SCAMP1: variants seen among roughly 807,000 people sequenced by gnomAD.
The protein encoded by SCAMP1 is secretory carrier membrane protein 1.
A neutral mutation model predicts 41.8 loss-of-function variants in SCAMP1; 15 were observed. That is an observed-to-expected ratio of 0.36 (90% confidence interval 0.24 to 0.55). The LOEUF (loss-of-function observed/expected upper bound fraction) is 0.55. SCAMP1 is among the 20% of genes least tolerant of loss of function. The pLI is 0.86. For synonymous variants in SCAMP1, 135 were observed against 136.8 expected (o/e 0.99, Z 0.09); for missense variants, 341 against 412.6 (o/e 0.83, Z 1.50).
intron 1 of SCAMP1, among the ~76,000 whole-genome samples, chr5:78,364,684 T>C (rs940850945): frequency 7.2e-5 from 11 of 152,220 alleles, no homozygotes; most frequent in African/African-American, 2.6e-4. Context: ...GAGGATAGGA[T>C]TAAAAAATTT....
At chr5:78,421,754 A>G (rs1434310293) in intron 5 of SCAMP1, 47 bp from the exon 6 acceptor site, 4 of 1,525,390 alleles carry the variant, frequency 2.6e-6, no homozygotes, top group African/African-American at 2.8e-5. Flanking sequence ...GAATTCATAA[A>G]TTGAATGTAA....
intron 1 of SCAMP1, among the ~76,000 whole-genome samples, chr5:78,373,937 A>G (rs2112054807): frequency 6.6e-6 from 1 of 152,256 alleles, no homozygotes; most frequent in Non-Finnish European, 1.5e-5. Context: ...ATAGGTCTTT[A>G]TGGTTATTTA....
intron 6 of SCAMP1, among the ~76,000 whole-genome samples, chr5:78,439,822 T>C (rs536567054): frequency 1.3e-5 from 2 of 152,218 alleles, no homozygotes; most frequent in Non-Finnish European, 2.9e-5. Flanking sequence ...TACAACTTGG[T>C]TCCATTTTCC....
chr5:78,438,770 G>A (rs1410211721), intron 6 of SCAMP1, among the ~76,000 whole-genome samples: 1 of 152,140 alleles, frequency 6.6e-6, no homozygotes, highest in Non-Finnish European at 1.5e-5. Flanking sequence ...GGATATCCTT[G>A]TTAACCTTCT....
intron 6 of SCAMP1, among the ~76,000 whole-genome samples, chr5:78,428,047 G>T (rs527344078): frequency 8.5e-5 from 13 of 152,222 alleles, no homozygotes; most frequent in African/African-American, 3.1e-4. Context: ...TCAATTTTAA[G>T]AGTCTAATTT....
At chr5:78,425,043 TG>T (rs1390705438) in intron 6 of SCAMP1, among the ~76,000 whole-genome samples, 1 of 152,238 alleles carries the variant, frequency 6.6e-6, no homozygotes, top group African/African-American at 2.4e-5. Context: ...ATGCAAGTTT[TG>T]CATTATAGAT....
chr5:78,451,866 G>T (rs184537431), intron 7 of SCAMP1, among the ~76,000 whole-genome samples: 2 of 152,188 alleles, frequency 1.3e-5, no homozygotes, highest in Non-Finnish European at 2.9e-5. Context: ...TGTTGCCCAG[G>T]CAGGTCTTGA....
intron 2 of SCAMP1, among the ~76,000 whole-genome samples, chr5:78,389,570 C>T (rs539435351): frequency 1.3e-5 from 2 of 152,122 alleles, no homozygotes; most frequent in Admixed American, 1.3e-4. Context: ...CGCCTGGCCT[C>T]AAAATTTAGT....
At chr5:78,449,407 AAT>A (rs962628205) in intron 6 of SCAMP1, among the ~76,000 whole-genome samples, 2 of 152,170 alleles carry the variant, frequency 1.3e-5, no homozygotes, top group Non-Finnish European at 2.9e-5. Context: ...AAGACTACAT[AAT>A]ATATGATCCC....
intron 7 of SCAMP1, among the ~76,000 whole-genome samples, chr5:78,451,080 A>G (rs997659749): frequency 1.3e-5 from 2 of 152,170 alleles, no homozygotes; most frequent in Non-Finnish European, 1.5e-5. Context: ...AATTCTCGTG[A>G]AAGTGAGGTA....
At chr5:78,433,840 G>A (rs180732179) in intron 6 of SCAMP1, among the ~76,000 whole-genome samples, 2 of 152,204 alleles carry the variant, frequency 1.3e-5, no homozygotes, top group Non-Finnish European at 2.9e-5. Flanking sequence ...TGTCTCTGGA[G>A]TGGAGAGATC....
chr5:78,417,221 G>A (rs972154243), intron 4 of SCAMP1, among the ~76,000 whole-genome samples: 239 of 152,292 alleles, frequency 1.6e-3, no homozygotes, highest in African/African-American at 5.5e-3. Flanking sequence ...AGTAAGAAGA[G>A]ATAAAAGAGC....
rs1274836571 is a variant in SCAMP1 at position 78,475,781 on chromosome 5, C to CTG, written c.*115_*116dup. On this transcript the variant is annotated 3_prime_UTR_variant, in exon 9 of 9. Coordinates refer to ENST00000621999, the MANE Select transcript of SCAMP1 (RefSeq NM_004866.6). ...ACAGTACAGACAGCATGGATATTTCCTGTTCACTTGTGCATGGGCTAAAAC... is the reference window on the plus strand; with the variant it reads ...ACAGTACAGACAGCATGGATATTTCCTGTGTTCACTTGTGCATGGGCTAAAAC... 1 of 791,258 alleles carries CTG rather than the reference C, an allele frequency of 1.3e-6. No homozygotes were observed. The highest frequency in any genetic ancestry group is 1.7e-6 in the Non-Finnish European group (1 of 572,906). The allele number at this position is 791,258 out of a possible 1,614,324, so 49.0% of individuals were successfully genotyped here.
In SCAMP1 at chr5:78,475,506, A is replaced by G; in HGVS notation, c.855A>G (p.Val285=). 1 of 1,599,776 alleles carries G rather than the reference A, an allele frequency of 6.3e-7. No individual in the cohort carries two copies. Among genetic ancestry groups the G allele is most frequent in the Non-Finnish European group, 8.5e-7 (1 of 1,175,228 alleles). The part of the protein sequence containing the change: ...AVISLVMFKK[V]HGLYRTTGAS... ...CCCACTTTTTTGTGCCTCTGTAGGT[A>G]CATGGACTATATCGCACAACAGGTG... Residue 285 remains valine, a splice_region_variant and synonymous_variant, in exon 9 of 9, where the codon GTA becomes GTG. Coordinates refer to ENST00000621999, the MANE Select transcript of SCAMP1 (RefSeq NM_004866.6).
chr5:78,391,412 AC>A (rs1332982023), intron 2 of SCAMP1, among the ~76,000 whole-genome samples: 2 of 139,064 alleles, frequency 1.4e-5, no homozygotes, highest in African/African-American at 2.8e-5. Flanking sequence ...CGGGGGGCTG[AC>A]CCCCCCACCT....
chr5:78,423,014 GCGCACACACACACA>G (rs1448746390), intron 6 of SCAMP1, among the ~76,000 whole-genome samples: 3 of 9,716 alleles, frequency 3.1e-4, no homozygotes, highest in African/African-American at 2.4e-3. Context: ...ACACGCGCGC[GCGCACACACACACA>G]CACACACACA....
rs71613955 is a variant in SCAMP1 at position 78,443,653 on chromosome 5, C to CTTTTTTTTTTTT, written c.633-6267_633-6256dup. Reference sequence around the variant, plus strand: ...TTAGCCAGACTAGTGAGTGGTTTTGCTTTTTTTTTTTTTTTTTTTTTTTTG... The same window carrying CTTTTTTTTTTTT: ...TTAGCCAGACTAGTGAGTGGTTTTGCTTTTTTTTTTTTTTTTTTTTTTTTTTTTTTTTTTTTG... On this transcript the variant is annotated intron_variant, in intron 6 of 8. Coordinates refer to ENST00000621999, the MANE Select transcript of SCAMP1 (RefSeq NM_004866.6). Among the ~76,000 whole-genome samples the CTTTTTTTTTTTT allele has an allele frequency of 6.9e-5, 5 of 71,960 alleles. 1 individual carries two copies. The highest frequency in any genetic ancestry group is 1.7e-4 in the African/African-American group (3 of 17,296). 47.2% of individuals were successfully genotyped at this position (71,960 alleles called of 152,430 possible).
At chr5:78,380,671 G>A (rs1021775600) in intron 1 of SCAMP1, among the ~76,000 whole-genome samples, 11 of 152,052 alleles carry the variant, frequency 7.2e-5, no homozygotes, top group African/African-American at 2.7e-4. Flanking sequence ...TCCCCACAGA[G>A]GTGGTAATAA....
intron 6 of SCAMP1, among the ~76,000 whole-genome samples, chr5:78,434,481 A>T (rs961367281): frequency 1.3e-5 from 2 of 152,100 alleles, no homozygotes; most frequent in Non-Finnish European, 2.9e-5. Flanking sequence ...GTTCCTTCTT[A>T]GACACAGATA....
Sources: allele counts gnomAD v4.1 joint callset (sites outside exome capture counted in the v4.1 genomes callset), GRCh38; gene constraint gnomAD v4.1.1; transcripts MANE v1.5; gene names NCBI Gene and HGNC (gene_info 2026-07-23, HGNC 2026-07-21).